VPS8: variants seen among roughly 807,000 people sequenced by gnomAD.
VPS8 encodes the protein VPS8 subunit of CORVET complex.
VPS8 carries 129 observed loss-of-function variants against 216.4 expected under a neutral mutation model. The ratio of observed to expected loss-of-function variants is 0.60; its 90% CI spans 0.52 to 0.69. VPS8 has a LOEUF of 0.69. VPS8 is among the 30% of genes least tolerant of loss of function. VPS8 has a pLI of 0.00. For missense variants in VPS8, 1,531 were observed against 1,683.5 expected (o/e 0.91, Z 1.59); for synonymous variants, 571 against 565.4 (o/e 1.01, Z -0.14).
chr3:184,969,397 T>G (rs926725756), intron 39 of VPS8, among the ~76,000 whole-genome samples: 1 of 143,462 alleles, frequency 7.0e-6, no homozygotes, highest in African/African-American at 2.6e-5. Flanking sequence ...ATTACAGGTA[T>G]GAGCCACTGT....
At chr3:184,904,187 T>C (rs1281240958) in intron 25 of VPS8, among the ~76,000 whole-genome samples, 1 of 152,204 alleles carries the variant, frequency 6.6e-6, no homozygotes, top group Non-Finnish European at 1.5e-5. Context: ...AAAATAATTA[T>C]AATTTTTTCT....
intron 29 of VPS8, 126 bp downstream of exon 29, chr3:184,920,324 A>G (rs1004900660): frequency 1.9e-5 from 12 of 617,816 alleles, no homozygotes; most frequent in African/African-American, 1.7e-4. Context: ...AAATTTTATT[A>G]CGGTGTCTTT....
chr3:184,843,195 T>TG (rs1349587021), intron 7 of VPS8, 45 bp from the exon 8 acceptor site: 2 of 1,398,772 alleles, frequency 1.4e-6, no homozygotes, highest in South Asian at 3.0e-5. Flanking sequence ...ACTGATTTCT[T>TG]GCTTTTCTTT....
At chr3:184,950,304 A>C (rs1295548194) in intron 36 of VPS8, among the ~76,000 whole-genome samples, 2 of 134,322 alleles carry the variant, frequency 1.5e-5, no homozygotes, top group Non-Finnish European at 1.5e-5. Context: ...CTGGGTAGTC[A>C]AAAGGGGGCC....
At chr3:185,003,669 T>A (rs2109935946) in intron 45 of VPS8, among the ~76,000 whole-genome samples, 1 of 152,098 alleles carries the variant, frequency 6.6e-6, no homozygotes, top group South Asian at 2.1e-4. Flanking sequence ...AGCTGTTGGG[T>A]ACACCTCCCA....
At chr3:184,962,227 A>G (rs949691687) in intron 37 of VPS8, among the ~76,000 whole-genome samples, 1 of 152,226 alleles carries the variant, frequency 6.6e-6, no homozygotes, top group Non-Finnish European at 1.5e-5. Context: ...GTTACAGTGT[A>G]CATCCTTGTA....
At chr3:184,994,240 A>C (rs1014862147) in intron 43 of VPS8, among the ~76,000 whole-genome samples, 177 bp downstream of exon 43, 2 of 152,034 alleles carry the variant, frequency 1.3e-5, no homozygotes, top group South Asian at 4.1e-4. Context: ...GGTAACTCAT[A>C]CCTGTAACGC....
At position 184,866,920 on chromosome 3, in the gene VPS8, TG is replaced by T; in HGVS notation, c.1442del (p.Gly481ValfsTer14). On this transcript the variant is annotated frameshift_variant, in exon 17 of 48. Transcript: ENST00000625842. LOFTEE classifies it high-confidence loss of function. ...CTTGTTATCAATCCATCAGTAGCTA[TG>T]GTGGTCAGATCTTTTATTTGGGGAC... Reference protein sequence around the residue: ...KACYQSISSYGGQIFYLGTKS... With the variant: ...KACYQSISSYXGQIFYLGTKS... 1 of 1,613,418 alleles carries T rather than the reference TG, an allele frequency of 6.2e-7. No individual in the cohort carries two copies. Among genetic ancestry groups the T allele is most frequent in the Non-Finnish European group, 8.5e-7 (1 of 1,179,652 alleles).
intron 40 of VPS8, among the ~76,000 whole-genome samples, chr3:184,980,420 C>G (rs1750008003): frequency 6.6e-6 from 1 of 152,122 alleles, no homozygotes; most frequent in Non-Finnish European, 1.5e-5. Context: ...GTCCTCTCTC[C>G]CTCTCTTTCA....
rs139755350 is a variant in VPS8, at chr3:184,886,916, G to A, written c.1781+760G>A. ...TTTTATGAACCATCACTAGAACATA[G>A]TATTTTATACTATTCAAAAAAGGCT... On this transcript the variant is annotated intron_variant, in intron 22 of 47. Transcript: ENST00000625842. Among the ~76,000 whole-genome samples, 19 of 152,226 alleles carry A rather than the reference G, an allele frequency of 1.2e-4. No homozygotes were observed. The East Asian group carries it at 3.5e-3, about 28-fold the overall frequency.
intron 45 of VPS8, among the ~76,000 whole-genome samples, chr3:185,021,377 T>G (rs925787665): frequency 1.3e-5 from 2 of 152,232 alleles, no homozygotes; most frequent in African/African-American, 4.8e-5. Context: ...AAACATATTC[T>G]GACTTAATCT....
chr3:185,002,554 C>A (rs1278268373), intron 45 of VPS8, among the ~76,000 whole-genome samples: 1 of 152,148 alleles, frequency 6.6e-6, no homozygotes, highest in Non-Finnish European at 1.5e-5. Context: ...ATCACCCAAG[C>A]AGTGTACCCT....
At chr3:185,029,730 T>C (rs529602860) in intron 46 of VPS8, among the ~76,000 whole-genome samples, 1 of 152,078 alleles carries the variant, frequency 6.6e-6, no homozygotes, top group East Asian at 1.9e-4. Flanking sequence ...CCCAGCTAAT[T>C]TTTTTGTATT....
intron 13 of VPS8, 68 bp downstream of exon 13, chr3:184,854,241 G>A (rs569318329): frequency 7.2e-6 from 11 of 1,530,034 alleles, no homozygotes; most frequent in South Asian, 6.8e-5. Flanking sequence ...GAGATGGCTT[G>A]CAAGGGGTGA....
At chr3:184,925,772 ATTTTTTTTT>A (rs769693262) in intron 30 of VPS8, among the ~76,000 whole-genome samples, 1 of 121,522 alleles carries the variant, frequency 8.2e-6, no homozygotes, top group Non-Finnish European at 1.8e-5. Context: ...TTCTCTCTCT[ATTTTTTTTT>A]TTTTTTTTTT....
chr3:184,814,519 C>A (rs944498856), intron 1 of VPS8, among the ~76,000 whole-genome samples: 1 of 152,192 alleles, frequency 6.6e-6, no homozygotes, highest in South Asian at 2.1e-4. Flanking sequence ...AGGCTATAAA[C>A]CAGCACAGCA....
intron 1 of VPS8, among the ~76,000 whole-genome samples, chr3:184,821,230 AGTTGGGAGAGTATAT>A (rs1382479966): frequency 2.6e-5 from 4 of 152,196 alleles, no homozygotes; most frequent in African/African-American, 9.7e-5. Context: ...GAAAGGGGGA[AGTTGGGAGAGTATAT>A]GTTGGTTTAT....
At chr3:184,820,015 G>A (rs186961123) in intron 1 of VPS8, among the ~76,000 whole-genome samples, 1 of 152,168 alleles carries the variant, frequency 6.6e-6, no homozygotes, top group East Asian at 1.9e-4. Flanking sequence ...AGGAGGAGGG[G>A]TTGGTCTCAC....
chr3:184,937,232 A>T lies in VPS8; in HGVS notation c.2988+897A>T, dbSNP rs1253692320. 3.9e-5 allele frequency among the ~76,000 whole-genome samples: 6 copies of T among 152,238 alleles called. 1 individual carries two copies. In the South Asian group the frequency reaches 1.2e-3, roughly 32 times the overall value. ...CTTACCACTTACCATGGCCGTGCTG[A>T]TGTTGAGTTTGCTCCCTGTCATTGT... On this transcript the variant is annotated intron_variant, in intron 35 of 47. Coordinates refer to ENST00000625842, the MANE Select transcript of VPS8 (RefSeq NM_001009921.3).
Sources: gnomAD v4.1 joint callset for allele counts (sites outside exome capture counted in the v4.1 genomes callset) on GRCh38, gnomAD v4.1.1 for gene constraint, MANE v1.5 for transcripts, NCBI Gene and HGNC (gene_info 2026-07-23, HGNC 2026-07-21) for gene names.